RBM47: variants seen among roughly 807,000 people sequenced by gnomAD.
RBM47 encodes the protein RNA binding motif protein 47.
In RBM47, 21 loss-of-function variants were observed where a neutral mutation model predicts 47.1. The observed-to-expected ratio is 0.45, with a 90% CI of 0.32 to 0.64. RBM47 has a LOEUF of 0.64. RBM47 is among the 30% of genes least tolerant of loss of function. The pLI, the probability that RBM47 is intolerant of heterozygous loss-of-function variation, is 0.05. For missense variants in RBM47, 708 were observed against 870.9 expected, an observed-to-expected ratio of 0.81 and a Z score of 2.35; for synonymous variants, 375 against 361.7, an observed-to-expected ratio of 1.04 and a Z score of -0.42.
intron 1 of RBM47, among the ~76,000 whole-genome samples, chr4:40,561,273 C>T (rs1251532816): frequency 2.1e-5 from 3 of 145,256 alleles, no homozygotes; most frequent in Non-Finnish European, 4.5e-5. Flanking sequence ...CTTTTGTTGC[C>T]CAGACTGGAG....
chr4:40,593,699 T>C (rs1734477902), intron 1 of RBM47, among the ~76,000 whole-genome samples: 2 of 151,858 alleles, frequency 1.3e-5, no homozygotes, highest in South Asian at 4.2e-4. Context: ...GCTAACACGG[T>C]GAAACCCCGT....
intron 6 of RBM47, among the ~76,000 whole-genome samples, chr4:40,431,418 G>A (rs1217568579): frequency 6.6e-6 from 1 of 152,170 alleles, no homozygotes; most frequent in Non-Finnish European, 1.5e-5. Flanking sequence ...CAGCACTTTG[G>A]GAGGCCAAGG....
intron 2 of RBM47, among the ~76,000 whole-genome samples, chr4:40,526,789 CTTTTTTTTTTT>C (rs540484622): frequency 3.6e-4 from 22 of 61,624 alleles, no homozygotes; most frequent in African/African-American, 1.3e-3. Context: ...CAGTTTGGTT[CTTTTTTTTTTT>C]TTTTTTTTTT....
At chr4:40,529,515 C>CAAAAAAAAAAAAA in intron 2 of RBM47, among the ~76,000 whole-genome samples, 1 of 18,338 alleles carries the variant, frequency 5.5e-5, no homozygotes, top group Non-Finnish European at 1.1e-4. Flanking sequence ...GACTCTGTCA[C>CAAAAAAAAAAAAA]AAAAAAAAAA....
chr4:40,465,344 T>A (rs569669840), intron 3 of RBM47, among the ~76,000 whole-genome samples: 1 of 152,170 alleles, frequency 6.6e-6, no homozygotes, highest in Non-Finnish European at 1.5e-5. Context: ...CATAGAATAA[T>A]CTCACTCACT....
At chr4:40,586,672 G>A (rs1733618858) in intron 1 of RBM47, among the ~76,000 whole-genome samples, 2 of 151,182 alleles carry the variant, frequency 1.3e-5, no homozygotes, top group Non-Finnish European at 1.5e-5. Flanking sequence ...GCAGGCAGGG[G>A]CAATGGTAAT....
At chr4:40,581,620 GGGGT>G (rs1418037269) in intron 1 of RBM47, among the ~76,000 whole-genome samples, 2 of 151,754 alleles carry the variant, frequency 1.3e-5, no homozygotes, top group Non-Finnish European at 2.9e-5. Context: ...TGAGAAGGTG[GGGGT>G]GGTGGGGGAA....
chr4:40,426,076 T>C lies in RBM47; in HGVS notation c.1610A>G (p.Tyr537Cys), dbSNP rs747609461. 10 of 1,614,104 alleles carry C rather than the reference T, an allele frequency of 6.2e-6. No homozygotes were observed. The highest frequency in any genetic ancestry group is 4.0e-5 in the African/African-American group (3 of 74,946). The change falls in exon 7 of 7, where the codon TAC becomes TGC. Residue 537 changes from tyrosine (Y) to cysteine (C), a missense_variant. Coordinates refer to ENST00000295971, the MANE Select transcript of RBM47 (RefSeq NM_001098634.2). Reference sequence around the variant, plus strand: ...AGCAAATGGCACGTAACTGGCCCCGTAGATCCCGGCAGTAGGAATTCTCTG... The same window carrying C: ...AGCAAATGGCACGTAACTGGCCCCGCAGATCCCGGCAGTAGGAATTCTCTG... ...NVQRIPTAGIYGASYVPFAAP... is the reference protein window; with the variant it reads ...NVQRIPTAGICGASYVPFAAP...
intron 1 of RBM47, among the ~76,000 whole-genome samples, chr4:40,627,666 T>A (rs530598737): frequency 1.3e-4 from 20 of 152,274 alleles, no homozygotes; most frequent in African/African-American, 3.9e-4. Flanking sequence ...AACCAAATAG[T>A]CTAATATGAA....
chr4:40,478,140 C>CG (rs1719898786), intron 2 of RBM47, among the ~76,000 whole-genome samples: 1 of 151,796 alleles, frequency 6.6e-6, no homozygotes, highest in Admixed American at 6.6e-5. Flanking sequence ...CTCAGCCTCC[C>CG]GAGTAGCTGG....
At chr4:40,569,042 GAC>G (rs1731417291) in intron 1 of RBM47, among the ~76,000 whole-genome samples, 1 of 149,982 alleles carries the variant, frequency 6.7e-6, no homozygotes, top group Non-Finnish European at 1.5e-5. Context: ...CAGACAGACA[GAC>G]AGACAGATAG....
rs959582373 is a variant in RBM47, at chr4:40,458,846, T to C, written c.-32+7731A>G. Among the ~76,000 whole-genome samples the C allele has an allele frequency of 1.6e-4, 25 of 152,262 alleles. 1 individual carries two copies. The highest frequency in any genetic ancestry group is 1.6e-3 in the Admixed American group (25 of 15,274). ...TAAAAAACAGGTCCTTCTGCAAACA[T>C]ACGGCGAAGGTTAAACTCTAATACC... is the stretch of plus-strand genomic sequence containing the variant. On this transcript the variant is annotated intron_variant, in intron 3 of 6. Coordinates refer to ENST00000295971, the MANE Select transcript of RBM47 (RefSeq NM_001098634.2).
intron 1 of RBM47, among the ~76,000 whole-genome samples, chr4:40,550,210 A>T (rs770813592): frequency 6.6e-6 from 1 of 152,156 alleles, no homozygotes; most frequent in African/African-American, 2.4e-5. Context: ...CATGATCATT[A>T]CTTTAAAGTT....
At chr4:40,583,352 T>C (rs1159412082) in intron 1 of RBM47, among the ~76,000 whole-genome samples, 3 of 130,916 alleles carry the variant, frequency 2.3e-5, no homozygotes, top group African/African-American at 9.0e-5. Context: ...AGGTGGAGGT[T>C]GCAGTGAGCC....
At chr4:40,492,468 A>G (rs141213558) in intron 2 of RBM47, among the ~76,000 whole-genome samples, 5,284 of 152,290 alleles carry the variant, frequency 0.035, 123 homozygotes, top group Non-Finnish European at 0.053. Flanking sequence ...AGAAGGGCAC[A>G]TTTCAAAGGC....
At chr4:40,587,763 G>A (rs1018833796) in intron 1 of RBM47, among the ~76,000 whole-genome samples, 29 of 152,144 alleles carry the variant, frequency 1.9e-4, no homozygotes, top group South Asian at 4.1e-4. Flanking sequence ...GTGATGCCAC[G>A]GTAAATAGGA....
chr4:40,543,395 C>G (rs1373013805), intron 2 of RBM47: 1 of 152,086 alleles, frequency 6.6e-6, no homozygotes, highest in African/African-American at 2.4e-5. Context: ...CTCACATGGG[C>G]TGTTCTGAGT....
At chr4:40,590,866 G>A (rs551491230) in intron 1 of RBM47, among the ~76,000 whole-genome samples, 50 of 152,278 alleles carry the variant, frequency 3.3e-4, no homozygotes, top group Non-Finnish European at 5.1e-4. Flanking sequence ...GCAGTGGTGC[G>A]ATCTTGGCTC....
chr4:40,529,934 T>TCC (rs1560448563), intron 2 of RBM47, among the ~76,000 whole-genome samples: 1 of 134,586 alleles, frequency 7.4e-6, no homozygotes, highest in East Asian at 2.1e-4. Flanking sequence ...AGACCCCCTT[T>TCC]TTTTTTTTTT....
Sources: gnomAD v4.1 joint callset for allele counts (sites outside exome capture counted in the v4.1 genomes callset) on GRCh38, gnomAD v4.1.1 for gene constraint, MANE v1.5 for transcripts, NCBI Gene and HGNC (gene_info 2026-07-23, HGNC 2026-07-21) for gene names.